FHIT: variants seen among roughly 807,000 people sequenced by gnomAD.
FHIT encodes the protein fragile histidine triad diadenosine triphosphatase.
In FHIT, 19 loss-of-function variants were observed where a neutral mutation model predicts 17.9. The ratio of observed to expected loss-of-function variants is 1.06; its 90% CI spans 0.74 to 1.56. The LOEUF is 1.56. Ranked by LOEUF, FHIT falls within the 40% of genes most tolerant of loss-of-function variation. The pLI, the probability that FHIT is intolerant of heterozygous loss-of-function variation, is 0.00. For missense variants in FHIT, 248 were observed against 189.2 expected (o/e 1.31, Z -1.82); for synonymous variants, 81 against 69.7 (o/e 1.16, Z -0.81).
At chr3:60,149,096 C>T (rs2107323576) in intron 5 of FHIT, among the ~76,000 whole-genome samples, 1 of 152,310 alleles carries the variant, frequency 6.6e-6, no homozygotes, top group African/African-American at 2.4e-5. Context: ...GAAACCAGCT[C>T]CTTCAAACAA....
At chr3:59,965,652 T>G (rs922268175) in intron 7 of FHIT, among the ~76,000 whole-genome samples, 1 of 152,194 alleles carries the variant, frequency 6.6e-6, no homozygotes, top group South Asian at 2.1e-4. Flanking sequence ...TTAGGTTTAT[T>G]AGATTTAGCC....
At chr3:60,573,274 G>A (rs2037449189) in intron 4 of FHIT, among the ~76,000 whole-genome samples, 1 of 152,156 alleles carries the variant, frequency 6.6e-6, no homozygotes, top group Non-Finnish European at 1.5e-5. Context: ...CTCTGAGGGT[G>A]TCCTAGGGAC....
intron 8 of FHIT, among the ~76,000 whole-genome samples, chr3:59,766,324 C>A (rs1701795135): frequency 6.6e-6 from 1 of 152,178 alleles, no homozygotes; most frequent in South Asian, 2.1e-4. Context: ...AGATAGGAAT[C>A]CAGCTCCCAT....
rs187072425 is a variant in FHIT, at chr3:61,021,690, C to T, written c.-111+20357G>A. Among the ~76,000 whole-genome samples the T allele has an allele frequency of 4.5e-3, 679 of 150,488 alleles. 4 individuals carry two copies. Among genetic ancestry groups the T allele is most frequent in the African/African-American group, 0.016 (665 of 41,004 alleles). On this transcript the variant is annotated intron_variant, in intron 3 of 9. Coordinates refer to ENST00000492590, the MANE Select transcript of FHIT (RefSeq NM_002012.4). ...CAAATTAGAACTCAGGATTAAGAAA[C>T]TCCCTAAAAACCGCACAACTACATG...
At chr3:59,752,701 G>T (rs1700985091) in intron 8 of FHIT, among the ~76,000 whole-genome samples, 2 of 151,934 alleles carry the variant, frequency 1.3e-5, no homozygotes, top group South Asian at 4.2e-4. Flanking sequence ...GTTATTGGGG[G>T]ACCTTATTGT....
At chr3:60,908,674 A>G (rs1706558344) in intron 3 of FHIT, among the ~76,000 whole-genome samples, 1 of 150,666 alleles carries the variant, frequency 6.6e-6, no homozygotes, top group African/African-American at 2.4e-5. Flanking sequence ...AGGTTAAAAG[A>G]GAAAAGATCA....
At chr3:60,063,741 C>T (rs1022126082) in intron 5 of FHIT, among the ~76,000 whole-genome samples, 9 of 152,286 alleles carry the variant, frequency 5.9e-5, no homozygotes, top group Middle Eastern at 3.4e-3. Context: ...ATTTGCCCTA[C>T]AGATATACTT....
intron 8 of FHIT, among the ~76,000 whole-genome samples, chr3:59,831,426 A>G (rs1315998093): frequency 6.6e-5 from 10 of 152,094 alleles, no homozygotes; most frequent in Non-Finnish European, 1.2e-4. Flanking sequence ...GAATGAAGAC[A>G]CTGAGTCTTA....
chr3:61,059,953 C>T (rs746814056), intron 2 of FHIT, among the ~76,000 whole-genome samples: 4 of 152,004 alleles, frequency 2.6e-5, no homozygotes, highest in Admixed American at 1.3e-4. Flanking sequence ...GTAGGTGAAC[C>T]GGCATGTCTA....
intron 5 of FHIT, among the ~76,000 whole-genome samples, chr3:60,148,869 T>G (rs1700346576): frequency 6.6e-6 from 1 of 152,212 alleles, no homozygotes; most frequent in Non-Finnish European, 1.5e-5. Flanking sequence ...AATTTAGCTT[T>G]AACAAAGTAA....
intron 4 of FHIT, among the ~76,000 whole-genome samples, chr3:60,764,345 C>T (rs1388403255): frequency 6.6e-6 from 1 of 152,162 alleles, no homozygotes; most frequent in Non-Finnish European, 1.5e-5. Context: ...AACTCCCAGG[C>T]TGCCTTTCAG....
chr3:60,739,137 A>T (rs1248478867), intron 4 of FHIT, among the ~76,000 whole-genome samples: 1 of 152,122 alleles, frequency 6.6e-6, no homozygotes, highest in Non-Finnish European at 1.5e-5. Context: ...CTCCCCATCC[A>T]TCCCATTGAG....
chr3:60,027,917 A>G (rs954236156), intron 5 of FHIT, among the ~76,000 whole-genome samples: 4 of 152,200 alleles, frequency 2.6e-5, no homozygotes, highest in Admixed American at 1.3e-4. Flanking sequence ...AGCACTTGAA[A>G]TATGGCTGAT....
At chr3:60,677,310 C>G (rs2040643811) in intron 4 of FHIT, among the ~76,000 whole-genome samples, 1 of 152,122 alleles carries the variant, frequency 6.6e-6, no homozygotes, top group African/African-American at 2.4e-5. Flanking sequence ...CACTCCCCTC[C>G]CACCCCATCA....
At chr3:59,789,792 A>G (rs1699473705) in intron 8 of FHIT, among the ~76,000 whole-genome samples, 1 of 152,180 alleles carries the variant, frequency 6.6e-6, no homozygotes, top group Non-Finnish European at 1.5e-5. Flanking sequence ...GCATCCTTTG[A>G]AATTCTGTTA....
At chr3:60,760,032 T>C (rs1553719311) in intron 4 of FHIT, among the ~76,000 whole-genome samples, 2 of 152,058 alleles carry the variant, frequency 1.3e-5, no homozygotes, top group African/African-American at 4.8e-5. Flanking sequence ...CTTACTCTCT[T>C]TATTTCTTTT....
intron 5 of FHIT, among the ~76,000 whole-genome samples, chr3:60,508,359 T>G (rs2034817708): frequency 6.6e-6 from 1 of 152,200 alleles, no homozygotes; most frequent in African/African-American, 2.4e-5. Context: ...ATTATGAATT[T>G]GACTTAATTT....
chr3:60,794,064 A>T (rs1553729449), intron 4 of FHIT, among the ~76,000 whole-genome samples: 1 of 151,864 alleles, frequency 6.6e-6, no homozygotes, highest in Non-Finnish European at 1.5e-5. Flanking sequence ...AAAAAAATAA[A>T]AGTCCCCCTT....
chr3:60,948,767 A>G (rs1357627789), intron 3 of FHIT, among the ~76,000 whole-genome samples: 1 of 152,326 alleles, frequency 6.6e-6, no homozygotes, highest in East Asian at 1.9e-4. Flanking sequence ...GGCAATCCAC[A>G]ACAAAACAAT....
Sources: allele counts gnomAD v4.1 joint callset (sites outside exome capture counted in the v4.1 genomes callset), GRCh38; gene constraint gnomAD v4.1.1; transcripts MANE v1.5; gene names NCBI Gene and HGNC (gene_info 2026-07-23, HGNC 2026-07-21).